The following APBB1 variants were observed in gnomAD, a reference collection of about 807,000 sequenced individuals.
APBB1 encodes the protein amyloid beta precursor protein binding family B member 1, also known as adaptor protein FE65a2.
APBB1 carries 22 observed loss-of-function variants against 78.4 expected under a neutral mutation model. That is an observed-to-expected ratio of 0.28 (90% CI 0.20 to 0.40). The LOEUF (loss-of-function observed/expected upper bound fraction) is 0.40, where lower values mean the gene tolerates loss of function less well. Among genes scored for constraint, APBB1 ranks in the 10% least tolerant of loss-of-function variants. The probability of loss-of-function intolerance (pLI) is 1.00; values close to 1 mark genes in which losing one functional copy is unlikely to be tolerated. For synonymous variants in APBB1, 369 were observed against 372.7 expected, an observed-to-expected ratio of 0.99 and a Z score of 0.12; for missense variants, 749 against 932.4, an observed-to-expected ratio of 0.80 and a Z score of 2.56.
chr11:6,396,725 ATTACT>A (rs1447953333), intron 12 of APBB1, among the ~76,000 whole-genome samples: 3 of 152,168 alleles, frequency 2.0e-5, no homozygotes, highest in South Asian at 2.1e-4. Context: ...ATCACAATAG[ATTACT>A]TTATTTCCAT....
chr11:6,405,185 A>G (rs973086397), intron 2 of APBB1: 17 of 1,127,258 alleles, frequency 1.5e-5, no homozygotes, highest in Non-Finnish European at 1.9e-5. Context: ...CTCAGCCCCT[A>G]AGGAATACCC....
At chr11:6,415,473 C>T (rs1849096340) in intron 1 of APBB1, among the ~76,000 whole-genome samples, 1 of 152,230 alleles carries the variant, frequency 6.6e-6, no homozygotes, top group Admixed American at 6.5e-5. Flanking sequence ...TGCAGTGTAA[C>T]ACCAACATCT....
At chr11:6,399,018 C>G (rs1848364979) in intron 12 of APBB1, among the ~76,000 whole-genome samples, 1 of 152,010 alleles carries the variant, frequency 6.6e-6, no homozygotes, top group Non-Finnish European at 1.5e-5. Flanking sequence ...GACATGATAC[C>G]CTACCACTTC....
intron 1 of APBB1, among the ~76,000 whole-genome samples, chr11:6,417,474 C>G (rs1453262017): frequency 6.6e-6 from 1 of 152,158 alleles, no homozygotes; most frequent in Non-Finnish European, 1.5e-5. Context: ...CTCTTTTGCT[C>G]ACAATTATAT....
chr11:6,405,371 A>AC (rs1393297465), intron 2 of APBB1: 3 of 985,580 alleles, frequency 3.0e-6, no homozygotes, highest in African/African-American at 3.5e-5. Context: ...TCCCAGCACC[A>AC]CCCCCCACCC....
At chr11:6,397,922 G>C (rs1400333357) in intron 12 of APBB1, among the ~76,000 whole-genome samples, 1 of 152,228 alleles carries the variant, frequency 6.6e-6, no homozygotes, top group African/African-American at 2.4e-5. Context: ...AGATTGCAGA[G>C]TGCTTCAAAA....
At chr11:6,405,634 G>A in intron 2 of APBB1, 1 of 985,860 alleles carries the variant, frequency 1.0e-6, no homozygotes, top group Non-Finnish European at 1.2e-6. Flanking sequence ...ATTCAGGCAG[G>A]GTGCTTCACC....
chr11:6,405,066 C>T (rs1848741159), intron 2 of APBB1: 1 of 1,394,144 alleles, frequency 7.2e-7, no homozygotes, highest in Non-Finnish European at 9.3e-7. Flanking sequence ...TCTGCTCACA[C>T]CTCTTCTTCC....
In APBB1 at chr11:6,411,301, C is replaced by A; in HGVS notation, c.47G>T (p.Ser16Ile). 1 of 1,561,684 alleles carries A rather than the reference C, an allele frequency of 6.4e-7. No individual in the cohort carries two copies. Among genetic ancestry groups the A allele is most frequent in the South Asian group, 1.2e-5 (1 of 82,672 alleles). Reference sequence around the variant, plus strand: ...TAGGCTCAGTGCGGGGCCTCCGTGGCTGTTGGCATTAATGGCCGACTGGCT... The same window carrying A: ...TAGGCTCAGTGCGGGGCCTCCGTGGATGTTGGCATTAATGGCCGACTGGCT... ...SLSQSAINAN[S>I]HGGPALSLPL... Residue 16 changes from serine (S) to isoleucine (I), a missense_variant, in exon 2 of 15, where the codon AGC becomes ATC. This residue lies in a region of APBB1 where 635 missense variants were observed against 765.0 expected (regional missense o/e 0.83). Transcript: ENST00000609360. This position sits in a 1 kb window ranked among gnomAD's most constrained non-coding sequence, Gnocchi z 5.2.
intron 2 of APBB1, chr11:6,405,312 G>T: frequency 1.0e-6 from 1 of 988,338 alleles, no homozygotes; most frequent in Non-Finnish European, 1.2e-6. Flanking sequence ...ACCCAAGGGT[G>T]GGCTTTGAGG....
At chr11:6,414,485 G>T (rs1160242230) in intron 1 of APBB1, among the ~76,000 whole-genome samples, 2 of 152,166 alleles carry the variant, frequency 1.3e-5, no homozygotes, top group Non-Finnish European at 1.5e-5. Flanking sequence ...GGCTGTTGCA[G>T]AAGGAAAGGA....
At chr11:6,417,361 C>T (rs1363304572) in intron 1 of APBB1, among the ~76,000 whole-genome samples, 3 of 152,124 alleles carry the variant, frequency 2.0e-5, no homozygotes, top group South Asian at 2.1e-4. Flanking sequence ...TGCTCTTGTG[C>T]GTTCTCAAGG....
intron 1 of APBB1, among the ~76,000 whole-genome samples, chr11:6,415,391 C>T (rs933746697): frequency 6.6e-6 from 1 of 152,156 alleles, no homozygotes; most frequent in African/African-American, 2.4e-5. Context: ...GTGATGAAGA[C>T]AAAAGAAATG....
intron 1 of APBB1, among the ~76,000 whole-genome samples, chr11:6,413,087 A>T (rs10839563): frequency 6.6e-6 from 1 of 151,478 alleles, no homozygotes; most frequent in African/African-American, 2.4e-5. Flanking sequence ...CGGACCCCCA[A>T]GAGAAAGTGC....
Position 6,410,877 on chromosome 11 carries a change from G to C in APBB1, c.471C>G (p.Ala157=), listed in dbSNP as rs764100827. The C allele has an allele frequency of 6.2e-7, 1 of 1,613,864 alleles. No individual in the cohort carries two copies. Among genetic ancestry groups the C allele is most frequent in the Non-Finnish European group, 8.5e-7 (1 of 1,179,952 alleles). Residue 157 remains alanine, a synonymous_variant, in exon 2 of 15, where the codon GCC becomes GCG. Transcript: ENST00000609360. Reference sequence around the variant, plus strand: ...CATCATCATCCTCCTCCTCCTCCTCGGCCTCCCCGGCCGCCTTCTCCTCTC... The same window carrying C: ...CATCATCATCCTCCTCCTCCTCCTCCGCCTCCCCGGCCGCCTTCTCCTCTC... ...DEGEEKAAGE[A]EEEEEDDDDE...
Position 6,411,463 on chromosome 11 carries a change from C to A in APBB1, c.-14-102G>T, listed in dbSNP as rs919607009. 4 of 1,063,810 alleles carry A rather than the reference C, an allele frequency of 3.8e-6. No homozygotes were observed. The African/African-American group carries it at 4.8e-5, about 13-fold the overall frequency. 65.9% of individuals were successfully genotyped at this position (1,063,810 alleles called of 1,614,324 possible). ...TGCCCTGTGCCTCCTCATCTCCCTG[C>A]ACTAAGCAGGCTAGCACCCATGGCT... On this transcript the variant is annotated intron_variant, in intron 1 of 14. Coordinates refer to ENST00000609360, the MANE Select transcript of APBB1 (RefSeq NM_001164.5). This position sits in a 1 kb window ranked among gnomAD's most constrained non-coding sequence, Gnocchi z 5.2.
intron 12 of APBB1, chr11:6,396,517 A>T: frequency 2.8e-6 from 1 of 353,862 alleles, no homozygotes; most frequent in Non-Finnish European, 5.2e-6. Flanking sequence ...ATTTCCCCAA[A>T]TCATGCTCTC....
At position 6,401,752 on chromosome 11, in the gene APBB1, C is replaced by T. The variant is rs1564936715; in HGVS notation, c.1389-64G>A. The T allele has an allele frequency of 2.6e-6, 4 of 1,567,922 alleles. No individual in the cohort carries two copies. In the East Asian group the frequency reaches 6.7e-5, roughly 26 times the overall value. On this transcript the variant is annotated intron_variant, in intron 9 of 14. Transcript: ENST00000609360. This position sits in a 1 kb window ranked among gnomAD's most constrained non-coding sequence, Gnocchi z 4.5. ...TCCAGTGCTGAGCCTGGTCCCCACC[C>T]CACCCACGTCCTCCCTGCCCATCAC... is the stretch of plus-strand genomic sequence containing the variant.
intron 12 of APBB1, chr11:6,396,466 T>C (rs560557000): frequency 3.4e-4 from 157 of 467,686 alleles, no homozygotes; most frequent in African/African-American, 2.7e-3. Context: ...GCTCTGCCTA[T>C]TCCTCCACAC....
Sources: gnomAD v4.1 joint callset for allele counts (sites outside exome capture counted in the v4.1 genomes callset) on GRCh38, gnomAD v4.1.1 for gene constraint, gnomAD v4.1.1 regional missense constraint, Gnocchi (gnomAD v3.1) non-coding constraint, MANE v1.5 for transcripts, NCBI Gene and HGNC (gene_info 2026-07-23, HGNC 2026-07-21) for gene names.